HECTD4: variants seen among roughly 807,000 people sequenced by gnomAD.
HECTD4 encodes the protein HECT domain E3 ubiquitin protein ligase 4, also known as probable E3 ubiquitin-protein ligase HECTD4.
A neutral mutation model predicts 471.5 loss-of-function variants in HECTD4; 114 were observed. That is an observed-to-expected ratio of 0.24 (90% CI 0.21 to 0.28). The LOEUF is 0.28. Ranked by LOEUF, HECTD4 falls within the 10% of genes least tolerant of loss-of-function variation. The pLI, the probability that HECTD4 is intolerant of heterozygous loss-of-function variation, is 1.00. For missense variants in HECTD4, 3,866 were observed against 5,651.5 expected (o/e 0.68, Z 10.13); for synonymous variants, 2,012 against 2,256.0 (o/e 0.89, Z 3.07).
intron 13 of HECTD4, among the ~76,000 whole-genome samples, chr12:112,267,699 T>C (rs930033770): frequency 2.0e-5 from 3 of 152,160 alleles, no homozygotes; most frequent in African/African-American, 7.2e-5. Flanking sequence ...AAAAAAACAC[T>C]TGAGAAAGTA....
At position 112,193,790 on chromosome 12, in the gene HECTD4, T is replaced by C. The variant is rs929810875; in HGVS notation, c.8750-116A>G. On this transcript the variant is annotated intron_variant, in intron 56 of 75. Transcript: ENST00000682272. The surrounding 1 kb of genome is among the most constrained non-coding windows in gnomAD (Gnocchi z 5.2). ...GAAACCCCAGATGGGAGGGTTATCCTGGATATGATGTCCTGGATAACAGAT... is the reference window on the plus strand; with the variant it reads ...GAAACCCCAGATGGGAGGGTTATCCCGGATATGATGTCCTGGATAACAGAT... 1.4e-5 allele frequency: 12 copies of C among 844,236 alleles called. No homozygotes were observed. The highest frequency in any genetic ancestry group is 1.2e-4 in the African/African-American group (7 of 59,518). 52.3% of individuals were successfully genotyped at this position (844,236 alleles called of 1,614,324 possible).
intron 1 of HECTD4, among the ~76,000 whole-genome samples, chr12:112,349,388 C>CAAAAAAAA (rs60480485): frequency 1.8e-5 from 1 of 54,712 alleles, no homozygotes; most frequent in Non-Finnish European, 3.6e-5. Flanking sequence ...ACTCTTGCTC[C>CAAAAAAAA]AAAAAAAAAA....
intron 3 of HECTD4, among the ~76,000 whole-genome samples, 190 bp from the exon 4 acceptor site, chr12:112,313,337 CAG>C (rs1388261806): frequency 6.0e-5 from 9 of 151,206 alleles, no homozygotes; most frequent in African/African-American, 2.2e-4. Context: ...TTTTTTGAGA[CAG>C]AGTCTCGCTC....
intron 7 of HECTD4, among the ~76,000 whole-genome samples, chr12:112,286,591 C>A (rs1484886109): frequency 6.6e-6 from 1 of 152,050 alleles, no homozygotes; most frequent in Non-Finnish European, 1.5e-5. Context: ...ACAAGGGAGA[C>A]TGAGGCGGGA....
rs1489244975 is a variant in HECTD4 at position 112,178,913 on chromosome 12, G to T, written c.11363+18C>A. ...TCTGCCCACAGGCTGGGCTGCCCAG[G>T]CTCCTTGGGGCACGCACCTGACGCT... On this transcript the variant is annotated intron_variant, in intron 64 of 75. Transcript: ENST00000682272. The T allele has an allele frequency of 5.6e-6, 9 of 1,595,238 alleles. No homozygotes were observed. Among genetic ancestry groups the T allele is most frequent in the Middle Eastern group, 2.0e-4 (1 of 5,036 alleles).
intron 65 of HECTD4, 77 bp downstream of exon 65, chr12:112,176,519 C>G: frequency 9.9e-7 from 1 of 1,006,420 alleles, no homozygotes; most frequent in Non-Finnish European, 1.6e-6. Flanking sequence ...AAAGCAGAGG[C>G]CTGCTCCTCG....
chr12:112,200,184 C>G (rs1468735559), intron 55 of HECTD4, among the ~76,000 whole-genome samples: 1 of 150,146 alleles, frequency 6.7e-6, no homozygotes, highest in East Asian at 1.9e-4. Flanking sequence ...GACGGAGTCT[C>G]CCTTTGTCAC....
chr12:112,230,108 TA>T (rs2033341461), intron 40 of HECTD4, among the ~76,000 whole-genome samples: 1 of 152,144 alleles, frequency 6.6e-6, no homozygotes, highest in African/African-American at 2.4e-5. Flanking sequence ...ATCATGTCAC[TA>T]AAACCTCTAA....
At position 112,185,376 on chromosome 12, in the gene HECTD4, A is replaced by G. The variant is rs922657391; in HGVS notation, c.9590T>C (p.Leu3197Pro). Residue 3197 changes from leucine (L) to proline (P), a missense_variant, in exon 61 of 76, where the codon CTG (leucine) becomes CCG (proline). Around this residue, in one of 16 missense-constraint regions of HECTD4, gnomAD observed 364 missense variants for 413.2 expected, o/e 0.88. Transcript: ENST00000682272. ...TLEQRRHPAG[L>P]SSSIALQLNP... ...CAGCTGGAGGGCGATTGAGGAGGAC[A>G]GGCCAGCGGGGTGCCGCCTCTGCTC... The G allele has an allele frequency of 2.5e-6, 4 of 1,610,916 alleles. No homozygotes were observed. The highest frequency in any genetic ancestry group is 3.4e-6 in the Non-Finnish European group (4 of 1,178,818).
chr12:112,236,080 C>A (rs1566082653), intron 35 of HECTD4, among the ~76,000 whole-genome samples: 1 of 152,122 alleles, frequency 6.6e-6, no homozygotes, highest in Non-Finnish European at 1.5e-5. Flanking sequence ...AAACTAAGAG[C>A]TTTTCAGTTT....
At chr12:112,241,348 T>C (rs1244594281) in intron 32 of HECTD4, among the ~76,000 whole-genome samples, 1 of 152,232 alleles carries the variant, frequency 6.6e-6, no homozygotes, top group Non-Finnish European at 1.5e-5. Flanking sequence ...GTCTGGTCAA[T>C]GAGCCAGAGT....
chr12:112,172,117 A>G lies in HECTD4; in HGVS notation c.11785+554T>C, dbSNP rs79788799. On this transcript the variant is annotated intron_variant, in intron 67 of 75. Coordinates refer to ENST00000682272, the MANE Select transcript of HECTD4 (RefSeq NM_001388303.1). The stretch of plus-strand genomic sequence containing the variant: ...GGGGTTTCTCCATGTTGGTCAGGCT[A>G]GTCTCAAACTCCCGACCTCAAGTGA... Among the ~76,000 whole-genome samples the G allele has an allele frequency of 4.6e-4, 70 of 152,206 alleles. 1 individual carries two copies. Among genetic ancestry groups the G allele is most frequent in the African/African-American group, 1.7e-3 (69 of 41,548 alleles).
intron 64 of HECTD4, among the ~76,000 whole-genome samples, chr12:112,178,343 A>T (rs1343115135): frequency 2.0e-5 from 3 of 152,234 alleles, no homozygotes; most frequent in Admixed American, 2.0e-4. Flanking sequence ...TCTTTCTACA[A>T]TAACTATGCA....
At chr12:112,267,168 T>C in intron 13 of HECTD4, 186 bp from the exon 14 acceptor site, 1 of 573,464 alleles carries the variant, frequency 1.7e-6, no homozygotes, top group Non-Finnish European at 3.1e-6. Flanking sequence ...GGTGTGCCCT[T>C]CCTCCCTCAC....
At position 112,190,937 on chromosome 12, in the gene HECTD4, C is replaced by A. The variant is rs770863706; in HGVS notation, c.9321G>T (p.Leu3107=). The A allele has an allele frequency of 8.9e-6, 14 of 1,566,148 alleles. No individual in the cohort carries two copies. The highest frequency in any genetic ancestry group is 1.2e-5 in the Non-Finnish European group (14 of 1,155,698). The stretch of plus-strand genomic sequence containing the variant: ...ACTCCAGGGGCAGGGAATGTAACAC[C>A]AGGACTGCTCCAGGAGGTGGAGACA... ...LGVSPPPGAV[L]VLHSLPLEFP... is the part of the protein sequence containing the mutation. Residue 3107 remains leucine (L), a synonymous_variant, in exon 60 of 76, where the codon CTG becomes CTT. Transcript: ENST00000682272.
At position 112,228,735 on chromosome 12, in the gene HECTD4, C is replaced by T; in HGVS notation, c.6596G>A (p.Arg2199Lys). 6.2e-7 allele frequency: 1 copy of T among 1,613,514 alleles called. No individual in the cohort carries two copies. Among genetic ancestry groups the T allele is most frequent in the South Asian group, 1.1e-5 (1 of 91,034 alleles). The change falls in exon 42 of 76, where the codon AGA becomes AAA. Residue 2199 changes from arginine (R) to lysine (K), a missense_variant. Physicochemically the swap from Arg to Lys is conservative, Grantham distance 26. Transcript: ENST00000682272. This position sits in a 1 kb window ranked among gnomAD's most constrained non-coding sequence, Gnocchi z 4.9. ...CTTTCTACAGTCTATGGGTGGGAAT[C>T]TGACTGTAGCTATACCTTCCTGTTC... Reference protein sequence around the residue: ...INEQEGIATVRFPPIDCRKTS... With the variant: ...INEQEGIATVKFPPIDCRKTS...
chr12:112,322,599 A>T (rs2035608907), intron 1 of HECTD4: 1 of 152,470 alleles, frequency 6.6e-6, no homozygotes, highest in Admixed American at 6.5e-5. Flanking sequence ...CAGAGGTGGA[A>T]ATGGCAGCAA....
Position 112,203,670 on chromosome 12 carries a change from A to G in HECTD4, c.8372T>C (p.Phe2791Ser). ...KFAIRGMLKTFGLHGVVLDVD... is the reference protein window; with the variant it reads ...KFAIRGMLKTSGLHGVVLDVD... ...ATCTAAGACGACTCCATGAAGCCCA[A>G]AGGTTTTCAGCATCCCTCGGATGGC... Residue 2791 changes from phenylalanine (F) to serine (S), a missense_variant, in exon 54 of 76, where the codon TTT becomes TCT. Around this residue, in one of 16 missense-constraint regions of HECTD4, gnomAD observed 266 missense variants for 441.6 expected, o/e 0.60. Coordinates refer to ENST00000682272, the MANE Select transcript of HECTD4 (RefSeq NM_001388303.1). 2 of 1,613,520 alleles carry G rather than the reference A, an allele frequency of 1.2e-6. No individual in the cohort carries two copies. Among genetic ancestry groups the G allele is most frequent in the Non-Finnish European group, 1.7e-6 (2 of 1,179,704 alleles).
chr12:112,229,906 T>C, intron 40 of HECTD4, 26 bp from the exon 41 acceptor site: 1 of 1,587,336 alleles, frequency 6.3e-7, no homozygotes, highest in East Asian at 2.3e-5. Flanking sequence ...GCCCGTGCAC[T>C]AGGAGTTAAA....
Sources: gnomAD v4.1 joint callset for allele counts (sites outside exome capture counted in the v4.1 genomes callset) on GRCh38, gnomAD v4.1.1 for gene constraint, gnomAD v4.1.1 regional missense constraint, Gnocchi (gnomAD v3.1) non-coding constraint, MANE v1.5 for transcripts, NCBI Gene and HGNC (gene_info 2026-07-23, HGNC 2026-07-21) for gene names.